Variants in STAU1 observed in about 807,000 individuals in gnomAD.
STAU1 encodes double-stranded RNA-binding protein Staufen homolog 1.
A neutral mutation model predicts 62.9 loss-of-function variants in STAU1; 13 were observed. The observed-to-expected ratio is 0.21, with a 90% CI of 0.13 to 0.33. The LOEUF (loss-of-function observed/expected upper bound fraction) is 0.33, where lower values mean the gene tolerates loss of function less well. Among genes scored for constraint, STAU1 ranks in the 10% least tolerant of loss-of-function variants. The probability of loss-of-function intolerance (pLI) is 1.00; values close to 1 mark genes in which losing one functional copy is unlikely to be tolerated. For missense variants in STAU1, 571 were observed against 712.1 expected, an observed-to-expected ratio of 0.80 and a Z score of 2.25; for synonymous variants, 269 against 265.1, an observed-to-expected ratio of 1.01 and a Z score of -0.14.
intron 2 of STAU1, among the ~76,000 whole-genome samples, chr20:49,166,712 GAA>G (rs1430030258): frequency 1.3e-5 from 2 of 152,188 alleles, no homozygotes; most frequent in East Asian, 3.8e-4. Context: ...ATCATACCAG[GAA>G]CAGGTGAATG....
At chr20:49,131,791 C>T (rs904040426) in intron 6 of STAU1, among the ~76,000 whole-genome samples, 1 of 150,034 alleles carries the variant, frequency 6.7e-6, no homozygotes, top group African/African-American at 2.5e-5. Flanking sequence ...TGCAGTGAGC[C>T]GAGATCATGC....
chr20:49,193,626 A>G, the STAU1 span, among the ~76,000 whole-genome samples: 9 of 150,968 alleles, frequency 6.0e-5, no homozygotes, highest in African/African-American at 2.2e-4. Context: ...AGCCAATATC[A>G]TACCACTGCA....
chr20:49,202,177 G>T, the STAU1 span, among the ~76,000 whole-genome samples: 1 of 142,648 alleles, frequency 7.0e-6, no homozygotes, highest in Non-Finnish European at 1.5e-5. Flanking sequence ...CCAACATCGT[G>T]CCACTGCACT....
rs568570667 is a variant in STAU1 at position 49,134,432 on chromosome 20, G to GAAAAAAAAAAAAA, written c.609+1400_609+1401insTTTTTTTTTTTTT. 2 of 271,088 alleles carry GAAAAAAAAAAAAA rather than the reference G, an allele frequency of 7.4e-6. 1 individual carries two copies. Among genetic ancestry groups the GAAAAAAAAAAAAA allele is most frequent in the Non-Finnish European group, 1.3e-5 (2 of 153,436 alleles). The allele number at this position is 271,088 out of a possible 1,614,324, so 16.8% of individuals were successfully genotyped here. A position where few individuals can be genotyped will look rare whatever the true frequency, so the allele number is the denominator to read the frequency against. ...GGCGACAAGAGTGAAACTCATCTCA[G>GAAAAAAAAAAAAA]GGAAAAAAAAAAAAAAAGCTCTGGG... On this transcript the variant is annotated intron_variant, in intron 6 of 13. Transcript: ENST00000371856.
intron 5 of STAU1, among the ~76,000 whole-genome samples, chr20:49,146,265 CAAGAA>C (rs992829244): frequency 5.3e-5 from 8 of 152,170 alleles, no homozygotes; most frequent in African/African-American, 1.9e-4. Flanking sequence ...GACACCATCT[CAAGAA>C]AATAAATAAA....
chr20:49,144,188 ACCT>A (rs1236895270), intron 5 of STAU1, among the ~76,000 whole-genome samples: 1 of 151,942 alleles, frequency 6.6e-6, no homozygotes, highest in African/African-American at 2.4e-5. Flanking sequence ...TTGGACACAC[ACCT>A]CCTTGTGCAT....
At chr20:49,151,771 A>C in intron 4 of STAU1, 24 bp from the exon 5 acceptor site, 1 of 1,597,704 alleles carries the variant, frequency 6.3e-7, no homozygotes, top group Non-Finnish European at 8.5e-7. Flanking sequence ...GAGGTTAGGC[A>C]AATTACAGTC....
intron 6 of STAU1, among the ~76,000 whole-genome samples, chr20:49,126,748 C>T (rs146185039): frequency 3.3e-5 from 5 of 151,606 alleles, no homozygotes; most frequent in South Asian, 2.1e-4. Flanking sequence ...CAGAACAGCA[C>T]GAAAAAGACC....
intron 5 of STAU1, among the ~76,000 whole-genome samples, chr20:49,140,082 A>C (rs1401827815): frequency 6.6e-6 from 1 of 151,914 alleles, no homozygotes; most frequent in Non-Finnish European, 1.5e-5. Flanking sequence ...GCTACTCGGG[A>C]GGCTGAGGCA....
intron 2 of STAU1, among the ~76,000 whole-genome samples, chr20:49,166,608 T>C (rs2093530234): frequency 6.6e-6 from 1 of 152,132 alleles, no homozygotes; most frequent in Non-Finnish European, 1.5e-5. Flanking sequence ...AAAATGCAAA[T>C]TTGAAAGTAT....
intron 12 of STAU1, 73 bp from the exon 13 acceptor site, chr20:49,115,940 G>C (rs1402885626): frequency 7.6e-7 from 1 of 1,323,312 alleles, no homozygotes; most frequent in African/African-American, 1.5e-5. Flanking sequence ...TGGTCAGGCA[G>C]GCAAGAGAGT....
At chr20:49,128,843 G>C (rs1044598485) in intron 6 of STAU1, among the ~76,000 whole-genome samples, 18 of 146,482 alleles carry the variant, frequency 1.2e-4, no homozygotes, top group Non-Finnish European at 2.2e-4. Context: ...AACTCGAAAT[G>C]AATTATAAAC....
At chr20:49,176,016 G>A (rs1431043811) in intron 1 of STAU1, among the ~76,000 whole-genome samples, 3 of 150,696 alleles carry the variant, frequency 2.0e-5, no homozygotes, top group African/African-American at 7.3e-5. Flanking sequence ...GGATGGTCTC[G>A]ATCTCCTGAC....
chr20:49,158,452 T>C (rs1268511410), intron 3 of STAU1: 1 of 1,304,826 alleles, frequency 7.7e-7, no homozygotes, highest in East Asian at 5.5e-5. Context: ...TAGCTGATTT[T>C]TCTTGTAGGT....
At chr20:49,219,013 CAA>C in the STAU1 span, among the ~76,000 whole-genome samples, 38 of 53,158 alleles carry the variant, frequency 7.1e-4, no homozygotes, top group East Asian at 6.3e-3. Context: ...AACCCTGCCT[CAA>C]AAAAAAAAAA....
Position 49,166,255 on chromosome 20 carries a change from T to C in STAU1, c.-54A>G. The C allele has an allele frequency of 2.0e-6, 3 of 1,517,304 alleles. No homozygotes were observed. Among genetic ancestry groups the C allele is most frequent in the Non-Finnish European group, 2.7e-6 (3 of 1,095,384 alleles). 94.0% of individuals were successfully genotyped at this position (1,517,304 alleles called of 1,614,324 possible). On this transcript the variant is annotated 5_prime_UTR_variant, in exon 3 of 14. Transcript: ENST00000371856. ...CAGGTAAACAGCTTTCAGTGCAGGT[T>C]AATTCAGTGCTATGAAGTCTAAAGT... is the stretch of plus-strand genomic sequence containing the variant.
At chr20:49,195,601 G>A in the STAU1 span, among the ~76,000 whole-genome samples, 1 of 131,820 alleles carries the variant, frequency 7.6e-6, no homozygotes, top group African/African-American at 2.7e-5. Flanking sequence ...AAAACAAATG[G>A]TTCTTAGAAA....
In STAU1 at chr20:49,117,900, C is replaced by T. The variant is rs199981883; in HGVS notation, c.1386G>A (p.Gly462=). ...TAMIARELLY[G]GTSPTAETIL... ...TGGTCTCGGCTGTGGGCGAGGTGCC[C>T]CCATACAACAACTCTCGGGCTATCA... is the stretch of plus-strand genomic sequence containing the variant. Residue 462 remains glycine, a synonymous_variant, in exon 11 of 14, where the codon GGG becomes GGA. Transcript: ENST00000371856. This position sits in a 1 kb window ranked among gnomAD's most constrained non-coding sequence, Gnocchi z 4.6. 1.7e-5 allele frequency: 27 copies of T among 1,614,120 alleles called. No homozygotes were observed. In the African/African-American group the frequency reaches 3.2e-4, roughly 19 times the overall value.
chr20:49,153,719 A>AAAAAAAAAAAAAAAAAAAAAAG, intron 4 of STAU1, among the ~76,000 whole-genome samples: 1 of 49,616 alleles, frequency 2.0e-5, no homozygotes, highest in Non-Finnish European at 4.5e-5. Flanking sequence ...TCAAAAAAAA[A>AAAAAAAAAAAAAAAAAAAAAAG]AAAAAAAAAA....
Sources: allele counts gnomAD v4.1 joint callset (sites outside exome capture counted in the v4.1 genomes callset), GRCh38; gene constraint gnomAD v4.1.1; non-coding constraint Gnocchi (gnomAD v3.1); transcripts MANE v1.5; gene names NCBI Gene and HGNC (gene_info 2026-07-23, HGNC 2026-07-21).